The following FANK1 variants were observed in gnomAD, a reference collection of about 807,000 sequenced individuals.
FANK1 encodes the protein fibronectin type 3 and ankyrin repeat domains protein 1.
Under a neutral mutation model 45.3 loss-of-function variants are expected in FANK1, and 44 were observed. The ratio of observed to expected loss-of-function variants is 0.97; its 90% CI spans 0.76 to 1.25. The LOEUF (loss-of-function observed/expected upper bound fraction) is 1.25. Among genes scored for constraint, FANK1 ranks in the 50% most tolerant of loss-of-function variants. FANK1 has a pLI of 0.00. For missense variants in FANK1, 391 were observed against 424.4 expected (o/e 0.92, Z 0.69); for synonymous variants, 149 against 152.5 (o/e 0.98, Z 0.17).
At chr10:125,991,947 C>T (rs772222842) in intron 3 of FANK1, among the ~76,000 whole-genome samples, 22 of 152,224 alleles carry the variant, frequency 1.4e-4, no homozygotes, top group Non-Finnish European at 2.6e-4. Context: ...TGCCCCTGCT[C>T]ACCTGGCCCT....
chr10:125,927,970 G>C (rs2134138075), intron 1 of FANK1, among the ~76,000 whole-genome samples: 1 of 152,266 alleles, frequency 6.6e-6, no homozygotes, highest in Middle Eastern at 3.4e-3. Flanking sequence ...AAATTTTGCA[G>C]TGGCTATATC....
chr10:125,919,015 A>G (rs1946720524), intron 1 of FANK1, among the ~76,000 whole-genome samples: 1 of 152,056 alleles, frequency 6.6e-6, no homozygotes, highest in African/African-American at 2.4e-5. Flanking sequence ...TTTCAAGATG[A>G]AATAGAAGTC....
chr10:125,939,332 A>G (rs1245742746), intron 1 of FANK1, among the ~76,000 whole-genome samples: 1 of 152,366 alleles, frequency 6.6e-6, no homozygotes, highest in East Asian at 1.9e-4. Flanking sequence ...TATGGACTAC[A>G]TATTCGATAA....
chr10:125,953,291 T>C (rs1949372035), intron 1 of FANK1, among the ~76,000 whole-genome samples: 2 of 152,182 alleles, frequency 1.3e-5, no homozygotes, highest in South Asian at 4.1e-4. Flanking sequence ...GCTCTATGGC[T>C]GAAGTTGGAA....
At chr10:125,988,147 T>C (rs1951689107) in intron 2 of FANK1, among the ~76,000 whole-genome samples, 1 of 152,262 alleles carries the variant, frequency 6.6e-6, no homozygotes, top group Admixed American at 6.5e-5. Context: ...GCAATAGTTA[T>C]ACAGCCATGT....
chr10:125,999,617 G>A (rs1952608226), intron 6 of FANK1, among the ~76,000 whole-genome samples: 1 of 152,104 alleles, frequency 6.6e-6, no homozygotes, highest in Non-Finnish European at 1.5e-5. Flanking sequence ...AAAATTAGTA[G>A]TGAAGCCCAG....
At chr10:126,004,845 G>C in intron 6 of FANK1, 39 bp from the exon 7 acceptor site, 1 of 1,607,562 alleles carries the variant, frequency 6.2e-7, no homozygotes, top group Non-Finnish European at 8.5e-7. Flanking sequence ...TTTGGTGACT[G>C]TGCTTATTGT....
chr10:125,990,781 A>T (rs1219429484), intron 3 of FANK1, among the ~76,000 whole-genome samples: 2 of 152,242 alleles, frequency 1.3e-5, no homozygotes, highest in Non-Finnish European at 2.9e-5. Flanking sequence ...GTAATTTATT[A>T]TAAAGGAAAG....
intron 1 of FANK1, among the ~76,000 whole-genome samples, chr10:125,978,157 A>C (rs1270612417): frequency 2.0e-5 from 3 of 152,166 alleles, no homozygotes; most frequent in Non-Finnish European, 4.4e-5. Context: ...TCACCAGTGA[A>C]GGCTGAGAAA....
chr10:125,943,423 A>G (rs765610443), intron 1 of FANK1, among the ~76,000 whole-genome samples: 8 of 152,182 alleles, frequency 5.3e-5, no homozygotes, highest in Non-Finnish European at 1.0e-4. Context: ...AAGTTGTACA[A>G]TAATCACCAT....
chr10:125,945,237 G>A lies in FANK1; in HGVS notation c.14-34924G>A, dbSNP rs369047939. 4.6e-5 allele frequency among the ~76,000 whole-genome samples: 7 copies of A among 152,284 alleles called. No homozygotes were observed. The East Asian group carries it at 1.4e-3, about 29-fold the overall frequency. On this transcript the variant is annotated intron_variant, in intron 1 of 10. Coordinates refer to ENST00000368693, the MANE Select transcript of FANK1 (RefSeq NM_145235.5). ...AAAATTTAATAAGAACAAAACAACT[G>A]GGGGGAGGAGCCAAGATGGCCGAAT...
At chr10:126,008,686 G>A in intron 8 of FANK1, 136 bp downstream of exon 8, 1 of 1,038,068 alleles carries the variant, frequency 9.6e-7, no homozygotes, top group Non-Finnish European at 1.4e-6. Context: ...TTCCCTGTCG[G>A]CTTGTTCATA....
intron 1 of FANK1, among the ~76,000 whole-genome samples, chr10:125,956,244 G>A (rs1444604306): frequency 2.0e-5 from 3 of 151,026 alleles, no homozygotes; most frequent in Non-Finnish European, 4.4e-5. Context: ...GAAACAACCA[G>A]GATGAGGATT....
chr10:125,946,376 T>C (rs950355340), intron 1 of FANK1, among the ~76,000 whole-genome samples: 43 of 149,022 alleles, frequency 2.9e-4, no homozygotes, highest in African/African-American at 9.8e-4. Flanking sequence ...TTTAGAAGAA[T>C]GTATAACTAG....
At chr10:125,962,565 T>C (rs993345332) in intron 1 of FANK1, among the ~76,000 whole-genome samples, 2 of 152,208 alleles carry the variant, frequency 1.3e-5, no homozygotes, top group African/African-American at 4.8e-5. Flanking sequence ...TTCTTTTCAT[T>C]GATTGATACA....
intron 1 of FANK1, among the ~76,000 whole-genome samples, chr10:125,924,784 G>A (rs1326448202): frequency 6.9e-6 from 1 of 144,544 alleles, no homozygotes; most frequent in South Asian, 2.2e-4. Flanking sequence ...TCCAGCCTGG[G>A]TGACAGAGTG....
intron 1 of FANK1, chr10:125,973,271 A>G (rs1950633383): frequency 5.5e-6 from 1 of 180,464 alleles, no homozygotes; most frequent in African/African-American, 2.4e-5. Flanking sequence ...GATCTCTAGT[A>G]GGATTCTAGG....
intron 1 of FANK1, among the ~76,000 whole-genome samples, chr10:125,974,133 G>GT (rs1306542565): frequency 6.6e-6 from 1 of 152,150 alleles, no homozygotes; most frequent in Non-Finnish European, 1.5e-5. Flanking sequence ...TCAAACCTAG[G>GT]TTTATCCAAT....
At chr10:125,917,141 C>A (rs979549698) in intron 1 of FANK1, among the ~76,000 whole-genome samples, 1 of 152,202 alleles carries the variant, frequency 6.6e-6, no homozygotes, top group African/African-American at 2.4e-5. Context: ...GTTACTTATG[C>A]TAAATGCTGT....
Sources: gnomAD v4.1 joint callset for allele counts (sites outside exome capture counted in the v4.1 genomes callset) on GRCh38, gnomAD v4.1.1 for gene constraint, MANE v1.5 for transcripts, NCBI Gene and HGNC (gene_info 2026-07-23, HGNC 2026-07-21) for gene names.